The following SHISA7 variants were observed in gnomAD, a reference collection of about 807,000 sequenced individuals.
SHISA7 encodes the protein shisa family member 7, also known as protein shisa-7.
A neutral mutation model predicts 23.9 loss-of-function variants in SHISA7; 6 were observed. The ratio of observed to expected loss-of-function variants is 0.25; its 90% CI spans 0.14 to 0.50. The LOEUF is 0.50. SHISA7 is among the 20% of genes least tolerant of loss of function. The probability of loss-of-function intolerance (pLI) is 0.98; values close to 1 mark genes in which losing one functional copy is unlikely to be tolerated. For missense variants in SHISA7, 671 were observed against 801.1 expected, an observed-to-expected ratio of 0.84 and a Z score of 1.96; for synonymous variants, 386 against 398.3, an observed-to-expected ratio of 0.97 and a Z score of 0.37.
chr19:55,438,574 G>A (rs1478954183), intron 2 of SHISA7: 30 of 1,304,230 alleles, frequency 2.3e-5, no homozygotes, highest in Non-Finnish European at 2.9e-5. Context: ...GTGTGGCGGC[G>A]TGGTGCTTGG....
rs1040677774 is a variant in SHISA7, at chr19:55,433,025, A to G, written c.*131T>C. On this transcript the variant is annotated 3_prime_UTR_variant, in exon 4 of 4. Transcript: ENST00000376325. The surrounding 1 kb of genome is among the most constrained non-coding windows in gnomAD (Gnocchi z 8.4). ...AATCTTGTCTGCCAGGACATCCCAGAAGGAGGCTTTCACTCCTGTCCAAGG... is the reference window on the plus strand; with the variant it reads ...AATCTTGTCTGCCAGGACATCCCAGGAGGAGGCTTTCACTCCTGTCCAAGG... 1.2e-5 allele frequency: 14 copies of G among 1,122,624 alleles called. No homozygotes were observed. In the African/African-American group the frequency reaches 2.2e-4, roughly 17 times the overall value. 69.5% of individuals were successfully genotyped at this position (1,122,624 alleles called of 1,614,324 possible). A position where few individuals can be genotyped will look rare whatever the true frequency, so the allele number is the denominator to read the frequency against.
At position 55,433,839 on chromosome 19, in the gene SHISA7, G is replaced by T. The variant is rs1374280055; in HGVS notation, c.977-43C>A. On this transcript the variant is annotated intron_variant, in intron 3 of 3. Transcript: ENST00000376325. The surrounding 1 kb of genome is among the most constrained non-coding windows in gnomAD (Gnocchi z 8.4). ...AAAGCCACAGCCGTGGGTCCCCTGC[G>T]CATCTAGAGCCCTCCCCCTCCCACC... 1.5e-6 allele frequency: 2 copies of T among 1,357,032 alleles called. No homozygotes were observed. The highest frequency in any genetic ancestry group is 1.9e-6 in the Non-Finnish European group (2 of 1,061,186). The allele number at this position is 1,357,032 out of a possible 1,614,324, so 84.1% of individuals were successfully genotyped here.
intron 3 of SHISA7, among the ~76,000 whole-genome samples, chr19:55,435,016 GTGTGTGTGGGTGTGTGGC>G (rs1985389269): frequency 8.5e-6 from 1 of 117,024 alleles, no homozygotes. Flanking sequence ...TATATGTGGT[GTGTGTGTGGGTGTGTGGC>G]TGTGTGGTGT....
Position 55,433,436 on chromosome 19 carries a change from C to G in SHISA7, c.1337G>C (p.Ser446Thr). 7.5e-7 allele frequency: 1 copy of G among 1,331,078 alleles called. No individual in the cohort carries two copies. Among genetic ancestry groups the G allele is most frequent in the Non-Finnish European group, 9.5e-7 (1 of 1,048,964 alleles). 82.5% of individuals were successfully genotyped at this position (1,331,078 alleles called of 1,614,324 possible). A position where few individuals can be genotyped will look rare whatever the true frequency, so the allele number is the denominator to read the frequency against. Reference sequence around the variant, plus strand: ...CAGGTTGGAGTGCGAGGCGGCCAGGCTGGCCCGGGCGGTGGGGTCGGGGGG... The same window carrying G: ...CAGGTTGGAGTGCGAGGCGGCCAGGGTGGCCCGGGCGGTGGGGTCGGGGGG... ...ALPPDPTARA[S>T]LAASHSNLLL... Residue 446 changes from serine (S) to threonine (T), a missense_variant, in exon 4 of 4, where the codon AGC becomes ACC. Coordinates refer to ENST00000376325, the MANE Select transcript of SHISA7 (RefSeq NM_001145176.2). This position sits in a 1 kb window ranked among gnomAD's most constrained non-coding sequence, Gnocchi z 8.4.
Position 55,433,562 on chromosome 19 carries a change from C to T in SHISA7, c.1211G>A (p.Arg404His). The change falls in exon 4 of 4, where the codon CGC becomes CAC. Residue 404 changes from arginine to histidine, a missense_variant. Physicochemically the swap from Arg to His is conservative, Grantham distance 29 (BLOSUM62 0). Transcript: ENST00000376325. This position sits in a 1 kb window ranked among gnomAD's most constrained non-coding sequence, Gnocchi z 8.4. ...GTGCTCCTGCGACACCAGGCGCGCGCGCGGCAGCGTGAACTCGTAGCGCGA... is the reference window on the plus strand; with the variant it reads ...GTGCTCCTGCGACACCAGGCGCGCGTGCGGCAGCGTGAACTCGTAGCGCGA... Reference protein sequence around the residue: ...GRSRYEFTLPRARLVSQEHLL... With the variant: ...GRSRYEFTLPHARLVSQEHLL... The T allele has an allele frequency of 6.7e-7, 1 of 1,495,396 alleles. No individual in the cohort carries two copies. Among genetic ancestry groups the T allele is most frequent in the Non-Finnish European group, 8.9e-7 (1 of 1,128,730 alleles). The allele number at this position is 1,495,396 out of a possible 1,614,324, so 92.6% of individuals were successfully genotyped here. A position where few individuals can be genotyped will look rare whatever the true frequency, so the allele number is the denominator to read the frequency against.
At chr19:55,434,967 GTGGTGTGTGTGGA>G (rs1232540041) in intron 3 of SHISA7, among the ~76,000 whole-genome samples, 21 of 138,606 alleles carry the variant, frequency 1.5e-4, no homozygotes, top group Non-Finnish European at 2.8e-4. Flanking sequence ...GTGGGTGTGT[GTGGTGTGTGTGGA>G]TGGTGTGTAT....
In SHISA7 at chr19:55,429,863, G is replaced by A. The variant is rs549345027; in HGVS notation, c.*3293C>T. On this transcript the variant is annotated 3_prime_UTR_variant, in exon 4 of 4. Coordinates refer to ENST00000376325, the MANE Select transcript of SHISA7 (RefSeq NM_001145176.2). The stretch of plus-strand genomic sequence containing the variant: ...CTGGCAGGGACCATTGCTCTCCAGT[G>A]TCCCTGCTGCAGGATGAGGCCAGCA... 1.3e-5 allele frequency: 2 copies of A among 152,298 alleles called. No individual in the cohort carries two copies. The highest frequency in any genetic ancestry group is 4.1e-4 in the South Asian group (2 of 4,828). 9.4% of individuals were successfully genotyped at this position (152,298 alleles called of 1,614,324 possible). A position where few individuals can be genotyped will look rare whatever the true frequency, so the allele number is the denominator to read the frequency against.
Position 55,432,903 on chromosome 19 carries a change from A to T in SHISA7, c.*253T>A. On this transcript the variant is annotated 3_prime_UTR_variant, in exon 4 of 4. Coordinates refer to ENST00000376325, the MANE Select transcript of SHISA7 (RefSeq NM_001145176.2). This position sits in a 1 kb window ranked among gnomAD's most constrained non-coding sequence, Gnocchi z 4.6. ...TGTGATGACATCACAGAACACAGAC[A>T]TTTTTGCTAGTGATGACCTCATGAG... The T allele has an allele frequency of 2.0e-6, 1 of 488,018 alleles. No individual in the cohort carries two copies. Among genetic ancestry groups the T allele is most frequent in the Non-Finnish European group, 3.6e-6 (1 of 278,880 alleles). 30.2% of individuals were successfully genotyped at this position (488,018 alleles called of 1,614,324 possible).
Position 55,433,112 on chromosome 19 carries a change from C to CG in SHISA7, c.*43dup. ...CTGTGTCGGGGGATCCAGGCTGGGA[C>CG]GGGGGGCCCGGGAGGCCGCAGCCCC... is the stretch of plus-strand genomic sequence containing the variant. On this transcript the variant is annotated 3_prime_UTR_variant, in exon 4 of 4. Coordinates refer to ENST00000376325, the MANE Select transcript of SHISA7 (RefSeq NM_001145176.2). The surrounding 1 kb of genome is among the most constrained non-coding windows in gnomAD (Gnocchi z 8.4). 6.7e-7 allele frequency: 1 copy of CG among 1,489,506 alleles called. No individual in the cohort carries two copies. Among genetic ancestry groups the CG allele is most frequent in the Non-Finnish European group, 8.9e-7 (1 of 1,126,294 alleles). 92.3% of individuals were successfully genotyped at this position (1,489,506 alleles called of 1,614,324 possible). A position where few individuals can be genotyped will look rare whatever the true frequency, so the allele number is the denominator to read the frequency against.
At chr19:55,437,825 C>T (rs1220081879) in intron 2 of SHISA7, 71 bp from the exon 3 acceptor site, 1 of 1,486,784 alleles carries the variant, frequency 6.7e-7, no homozygotes, top group Non-Finnish European at 9.0e-7. Context: ...GGCCCCCAGC[C>T]CCTGCTCCAT....
chr19:55,430,472 G>A lies in SHISA7; in HGVS notation c.*2684C>T, dbSNP rs1194714234. 1.3e-5 allele frequency: 2 copies of A among 152,230 alleles called. No homozygotes were observed. Among genetic ancestry groups the A allele is most frequent in the Non-Finnish European group, 2.9e-5 (2 of 68,080 alleles). The allele number at this position is 152,230 out of a possible 1,614,324, so 9.4% of individuals were successfully genotyped here. A position where few individuals can be genotyped will look rare whatever the true frequency, so the allele number is the denominator to read the frequency against. ...ATGGCACATGGTTGCAGTGGACTCT[G>A]GGATGACACCAGGGTTATGGTGGAT... On this transcript the variant is annotated 3_prime_UTR_variant, in exon 4 of 4. Transcript: ENST00000376325.
rs951999158 is a variant in SHISA7, at chr19:55,432,746, G to A, written c.*410C>T. 3.7e-5 allele frequency: 6 copies of A among 162,314 alleles called. No individual in the cohort carries two copies. The highest frequency in any genetic ancestry group is 5.3e-5 in the Non-Finnish European group (4 of 74,836). The allele number at this position is 162,314 out of a possible 1,614,324, so 10.1% of individuals were successfully genotyped here. A position where few individuals can be genotyped will look rare whatever the true frequency, so the allele number is the denominator to read the frequency against. On this transcript the variant is annotated 3_prime_UTR_variant, in exon 4 of 4. Coordinates refer to ENST00000376325, the MANE Select transcript of SHISA7 (RefSeq NM_001145176.2). This position sits in a 1 kb window ranked among gnomAD's most constrained non-coding sequence, Gnocchi z 4.6. ...AGGAAGGAATGTCATGGAACAAGGC[G>A]TCGTCTCTGTTATTATACCACAAGA...
chr19:55,442,457 C>A lies in SHISA7; in HGVS notation c.407G>T (p.Trp136Leu). The change falls in exon 1 of 4, where the codon TGG becomes TTG. Residue 136 changes from tryptophan (W) to leucine (L), a missense_variant. Trp to Leu is a moderately conservative substitution (Grantham distance 61). This residue lies in a region of SHISA7 where 48 missense variants were observed against 111.0 expected (regional missense o/e 0.43). Transcript: ENST00000376325. ...ASCSNYDTPR[W>L]ATTPPPLAGG... is the part of the protein sequence containing the mutation. ...AGCTAGCGGCGGCGGCGTGGTGGCC[C>A]AGCGCGGCGTGTCGTAGTTGGAGCA... 6.9e-7 allele frequency: 1 copy of A among 1,440,288 alleles called. No individual in the cohort carries two copies. The highest frequency in any genetic ancestry group is 9.1e-7 in the Non-Finnish European group (1 of 1,095,446). 89.2% of individuals were successfully genotyped at this position (1,440,288 alleles called of 1,614,324 possible). A position where few individuals can be genotyped will look rare whatever the true frequency, so the allele number is the denominator to read the frequency against.
At chr19:55,434,905 GTGTGTATA>G (rs1379439136) in intron 3 of SHISA7, among the ~76,000 whole-genome samples, 5 of 125,422 alleles carry the variant, frequency 4.0e-5, no homozygotes, top group Non-Finnish European at 6.7e-5. Flanking sequence ...TGTGTGGTGT[GTGTGTATA>G]TGTGGTGTGT....
Position 55,437,663 on chromosome 19 carries a change from C to CG in SHISA7, c.917dup (p.Ser307ValfsTer294). On this transcript the variant is annotated frameshift_variant, in exon 3 of 4. Coordinates refer to ENST00000376325, the MANE Select transcript of SHISA7 (RefSeq NM_001145176.2). LOFTEE classifies it high-confidence loss of function. Reference sequence around the variant, plus strand: ...CGGATTTCACGGCAGCCTCGTAGGACGGGGGCAGATGCGAGAGGTTGTGGA... The same window carrying CG: ...CGGATTTCACGGCAGCCTCGTAGGACGGGGGGCAGATGCGAGAGGTTGTGGA... 1 of 1,551,510 alleles carries CG rather than the reference C, an allele frequency of 6.4e-7. No homozygotes were observed. Among genetic ancestry groups the CG allele is most frequent in the Non-Finnish European group, 8.7e-7 (1 of 1,146,938 alleles).
Position 55,432,912 on chromosome 19 carries a change from A to T in SHISA7, c.*244T>A, listed in dbSNP as rs927886261. On this transcript the variant is annotated 3_prime_UTR_variant, in exon 4 of 4. Coordinates refer to ENST00000376325, the MANE Select transcript of SHISA7 (RefSeq NM_001145176.2). This position sits in a 1 kb window ranked among gnomAD's most constrained non-coding sequence, Gnocchi z 4.6. ...ATCACAGAACACAGACATTTTTGCT[A>T]GTGATGACCTCATGAGCCGGCCTCT... is the stretch of plus-strand genomic sequence containing the variant. 2.0e-6 allele frequency: 1 copy of T among 500,354 alleles called. No individual in the cohort carries two copies. The highest frequency in any genetic ancestry group is 3.5e-6 in the Non-Finnish European group (1 of 287,194). The allele number at this position is 500,354 out of a possible 1,614,324, so 31.0% of individuals were successfully genotyped here.
In SHISA7 at chr19:55,438,595, G is replaced by A. The variant is rs1401029199; in HGVS notation, c.827-841C>T. ...CGGCGTGGTGCTTGGGGCTGTTGACGTTGAGGTGCAGGTAGCTGTGGTGCA... is the reference window on the plus strand; with the variant it reads ...CGGCGTGGTGCTTGGGGCTGTTGACATTGAGGTGCAGGTAGCTGTGGTGCA... On this transcript the variant is annotated intron_variant, in intron 2 of 3. Transcript: ENST00000376325. 8.4e-6 allele frequency: 11 copies of A among 1,304,200 alleles called. No individual in the cohort carries two copies. In the Admixed American group the frequency reaches 1.4e-4, roughly 16 times the overall value. 80.8% of individuals were successfully genotyped at this position (1,304,200 alleles called of 1,614,324 possible).
Position 55,429,602 on chromosome 19 carries a change from GA to G in SHISA7, c.*3553del, listed in dbSNP as rs1011441034. ...TGCGGGGAGACATAAGAGGGAGGGG[GA>G]CGGCCCAGGGGAGGAAGAAGAGGCC... On this transcript the variant is annotated 3_prime_UTR_variant, in exon 4 of 4. Transcript: ENST00000376325. 6.6e-6 allele frequency: 1 copy of G among 152,128 alleles called. No homozygotes were observed. Among genetic ancestry groups the G allele is most frequent in the Non-Finnish European group, 1.5e-5 (1 of 68,080 alleles). The allele number at this position is 152,128 out of a possible 1,614,324, so 9.4% of individuals were successfully genotyped here. A position where few individuals can be genotyped will look rare whatever the true frequency, so the allele number is the denominator to read the frequency against.
Position 55,442,466 on chromosome 19 carries a change from G to A in SHISA7, c.398C>T (p.Thr133Met). 3 of 1,446,526 alleles carry A rather than the reference G, an allele frequency of 2.1e-6. No homozygotes were observed. Among genetic ancestry groups the A allele is most frequent in the Non-Finnish European group, 2.7e-6 (3 of 1,098,554 alleles). 89.6% of individuals were successfully genotyped at this position (1,446,526 alleles called of 1,614,324 possible). ...CGGCGGCGTGGTGGCCCAGCGCGGC[G>A]TGTCGTAGTTGGAGCAGGAGGCCTG... is the stretch of plus-strand genomic sequence containing the variant. The part of the protein sequence containing the change: ...LAQASCSNYD[T>M]PRWATTPPPL... The change falls in exon 1 of 4, where the codon ACG becomes ATG. Residue 133 changes from threonine (T) to methionine (M), a missense_variant. By Grantham distance (81) the Thr-to-Met change is moderately conservative. Around this residue, in one of 5 missense-constraint regions of SHISA7, gnomAD observed 48 missense variants for 111.0 expected, o/e 0.43. Transcript: ENST00000376325.
Sources: gnomAD v4.1 joint callset for allele counts (sites outside exome capture counted in the v4.1 genomes callset) on GRCh38, gnomAD v4.1.1 for gene constraint, gnomAD v4.1.1 regional missense constraint, Gnocchi (gnomAD v3.1) non-coding constraint, MANE v1.5 for transcripts, NCBI Gene and HGNC (gene_info 2026-07-23, HGNC 2026-07-21) for gene names.